The following AGAP1 variants were observed in gnomAD, a reference collection of about 807,000 sequenced individuals.
AGAP1 encodes the protein arf-GAP with GTPase, ANK repeat and PH domain-containing protein 1.
A neutral mutation model predicts 105.3 loss-of-function variants in AGAP1; 29 were observed. That is an observed-to-expected ratio of 0.28 (90% CI 0.21 to 0.38). The LOEUF (loss-of-function observed/expected upper bound fraction) is 0.38. AGAP1 is among the 10% of genes least tolerant of loss of function. The pLI is 1.00. For synonymous variants in AGAP1, 509 were observed against 485.9 expected, an observed-to-expected ratio of 1.05 and a Z score of -0.63; for missense variants, 998 against 1,165.1, an observed-to-expected ratio of 0.86 and a Z score of 2.09.
Position 236,000,466 on chromosome 2 carries a change from T to C in AGAP1, c.1645+31843T>C, listed in dbSNP as rs557577781. ...AACAGTTGTTCAGAGACAGTGGTAC[T>C]GCGTCCCCCTCCTCCAGTCCAGTCC... On this transcript the variant is annotated intron_variant, in intron 13 of 17. Coordinates refer to ENST00000304032, the MANE Select transcript of AGAP1 (RefSeq NM_001037131.3). The surrounding 1 kb of genome is among the most constrained non-coding windows in gnomAD (Gnocchi z 4.3). Among the ~76,000 whole-genome samples, 14 of 152,314 alleles carry C rather than the reference T, an allele frequency of 9.2e-5. No homozygotes were observed. In the East Asian group the frequency reaches 2.7e-3, roughly 30 times the overall value.
At chr2:235,805,688 A>T (rs1159566016) in intron 8 of AGAP1, among the ~76,000 whole-genome samples, 4 of 152,224 alleles carry the variant, frequency 2.6e-5, no homozygotes, top group Non-Finnish European at 5.9e-5. Flanking sequence ...ACTATACAGT[A>T]TTAAGAATTA....
At chr2:235,896,124 C>G (rs908403318) in intron 10 of AGAP1, among the ~76,000 whole-genome samples, 2 of 152,170 alleles carry the variant, frequency 1.3e-5, no homozygotes, top group Non-Finnish European at 2.9e-5. Flanking sequence ...CCACTCAGCC[C>G]CTGGCAACCA....
intron 5 of AGAP1, among the ~76,000 whole-genome samples, chr2:235,748,657 A>T (rs1036047307): frequency 6.6e-6 from 1 of 152,192 alleles, no homozygotes; most frequent in Non-Finnish European, 1.5e-5. Context: ...AGAAAATAAC[A>T]TGAGAAAAGA....
Position 236,036,481 on chromosome 2 carries a change from G to C in AGAP1, c.1646-80G>C. 2.6e-6 allele frequency: 4 copies of C among 1,554,920 alleles called. No individual in the cohort carries two copies. The highest frequency in any genetic ancestry group is 3.5e-6 in the Non-Finnish European group (4 of 1,149,568). ...CATGCAGGGGCAGCTGAACCCAGAGGCGCTTCTGTGACAGAGGGCCCGCAG... is the reference window on the plus strand; with the variant it reads ...CATGCAGGGGCAGCTGAACCCAGAGCCGCTTCTGTGACAGAGGGCCCGCAG... On this transcript the variant is annotated intron_variant, in intron 13 of 17. Coordinates refer to ENST00000304032, the MANE Select transcript of AGAP1 (RefSeq NM_001037131.3). This position sits in a 1 kb window ranked among gnomAD's most constrained non-coding sequence, Gnocchi z 5.7.
intron 1 of AGAP1, among the ~76,000 whole-genome samples, chr2:235,497,316 C>G (rs902291005): frequency 6.6e-6 from 1 of 152,186 alleles, no homozygotes; most frequent in Admixed American, 6.5e-5. Flanking sequence ...GCAACTAAGC[C>G]TGCGCTGGAA....
intron 9 of AGAP1, among the ~76,000 whole-genome samples, chr2:235,863,380 T>G (rs926193145): frequency 2.3e-4 from 35 of 152,258 alleles, no homozygotes; most frequent in Admixed American, 2.2e-3. Context: ...CAGTGTTTGA[T>G]CATTTTAGCA....
At chr2:236,106,578 T>C (rs865928279) in intron 16 of AGAP1, among the ~76,000 whole-genome samples, 1 of 152,208 alleles carries the variant, frequency 6.6e-6, no homozygotes. Context: ...CATGCTGGGA[T>C]TCCAGGAACC....
chr2:236,111,787 C>T (rs1265788943), intron 16 of AGAP1, among the ~76,000 whole-genome samples: 2 of 96,272 alleles, frequency 2.1e-5, no homozygotes, highest in Admixed American at 9.8e-5. Context: ...GCGACTCTAT[C>T]TCAAAAAAAA....
In AGAP1 at chr2:235,667,455, CA is replaced by C. The variant is rs150215396; in HGVS notation, c.164-41714del. Among the ~76,000 whole-genome samples the C allele has an allele frequency of 2.9e-3, 425 of 147,160 alleles. 4 individuals carry two copies. The highest frequency in any genetic ancestry group is 8.7e-3 in the African/African-American group (349 of 40,306). On this transcript the variant is annotated intron_variant, in intron 1 of 17. Coordinates refer to ENST00000304032, the MANE Select transcript of AGAP1 (RefSeq NM_001037131.3). Reference sequence around the variant, plus strand: ...AGCAGAATGCTGATGCTTACTAAGACAAAAAAAAAATGAGCACAGGCAGTGT... The same window carrying C: ...AGCAGAATGCTGATGCTTACTAAGACAAAAAAAAATGAGCACAGGCAGTGT...
In AGAP1 at chr2:236,002,909, C is replaced by T. The variant is rs981828017; in HGVS notation, c.1646-33652C>T. ...GAAGTTTGTGTGTGAACAGGAGGGC[C>T]GGGGTCGCTGGGTTCCAGGCGCAGC... On this transcript the variant is annotated intron_variant, in intron 13 of 17. Coordinates refer to ENST00000304032, the MANE Select transcript of AGAP1 (RefSeq NM_001037131.3). The surrounding 1 kb of genome is among the most constrained non-coding windows in gnomAD (Gnocchi z 4.3). Among the ~76,000 whole-genome samples the T allele has an allele frequency of 3.3e-5, 5 of 152,148 alleles. No homozygotes were observed. Among genetic ancestry groups the T allele is most frequent in the Non-Finnish European group, 5.9e-5 (4 of 68,000 alleles).
At position 235,749,640 on chromosome 2, in the gene AGAP1, C is replaced by G. The variant is rs143944872; in HGVS notation, c.539-714C>G. Among the ~76,000 whole-genome samples, 1,041 of 152,204 alleles carry G rather than the reference C, an allele frequency of 6.8e-3. 16 individuals carry two copies. Among genetic ancestry groups the G allele is most frequent in the African/African-American group, 0.024 (986 of 41,520 alleles). ...TGCCCTCTGCCTCAGGCGTTCTGCC[C>G]CAGGCAGTGCCTACTGCGCCCCACC... On this transcript the variant is annotated intron_variant, in intron 5 of 17. Coordinates refer to ENST00000304032, the MANE Select transcript of AGAP1 (RefSeq NM_001037131.3).
chr2:236,033,459 G>A (rs545822346), intron 13 of AGAP1, among the ~76,000 whole-genome samples: 28 of 152,346 alleles, frequency 1.8e-4, no homozygotes, highest in African/African-American at 6.7e-4. Context: ...TGCAAGTTTT[G>A]TCTTTGCATG....
In AGAP1 at chr2:235,791,503, G is replaced by A. The variant is rs10193737; in HGVS notation, c.674-6256G>A. On this transcript the variant is annotated intron_variant, in intron 6 of 17. Transcript: ENST00000304032. Reference sequence around the variant, plus strand: ...GATATGCCCTGTCCAAACTCCTGACGCACAGAATCGTGATAAACAATAAGA... The same window carrying A: ...GATATGCCCTGTCCAAACTCCTGACACACAGAATCGTGATAAACAATAAGA... 2.5e-3 allele frequency among the ~76,000 whole-genome samples: 379 copies of A among 152,070 alleles called. 1 individual carries two copies. The highest frequency in any genetic ancestry group is 8.8e-3 in the African/African-American group (365 of 41,480).
Position 235,577,993 on chromosome 2 carries a change from G to A in AGAP1, c.163+83144G>A, listed in dbSNP as rs1266499491. 6.6e-6 allele frequency among the ~76,000 whole-genome samples: 1 copy of A among 152,084 alleles called. No individual in the cohort carries two copies. Among genetic ancestry groups the A allele is most frequent in the African/African-American group, 2.4e-5 (1 of 41,392 alleles). On this transcript the variant is annotated intron_variant, in intron 1 of 17. Transcript: ENST00000304032. The surrounding 1 kb of genome is among the most constrained non-coding windows in gnomAD (Gnocchi z 4.5). ...TCTGGATCGCACCCGACACCATCCA[G>A]GTGCCTGCGTGTGCTGGTCCCGCCA... is the stretch of plus-strand genomic sequence containing the variant.
rs532333894 is a variant in AGAP1, at chr2:235,557,055, G to A, written c.163+62206G>A. ...AAGGCAGACTTGGCCTTCCCAGCTG[G>A]CGCGGGACTGGGGACTTAGGGGACT... On this transcript the variant is annotated intron_variant, in intron 1 of 17. Coordinates refer to ENST00000304032, the MANE Select transcript of AGAP1 (RefSeq NM_001037131.3). This position sits in a 1 kb window ranked among gnomAD's most constrained non-coding sequence, Gnocchi z 4.7. 6.6e-6 allele frequency among the ~76,000 whole-genome samples: 1 copy of A among 152,338 alleles called. No homozygotes were observed. Among genetic ancestry groups the A allele is most frequent in the Admixed American group, 6.5e-5 (1 of 15,312 alleles).
rs1437604938 is a variant in AGAP1, at chr2:235,989,238, G to A, written c.1645+20615G>A. Among the ~76,000 whole-genome samples the A allele has an allele frequency of 6.6e-6, 1 of 152,212 alleles. No individual in the cohort carries two copies. Among genetic ancestry groups the A allele is most frequent in the Admixed American group, 6.5e-5 (1 of 15,282 alleles). On this transcript the variant is annotated intron_variant, in intron 13 of 17. Coordinates refer to ENST00000304032, the MANE Select transcript of AGAP1 (RefSeq NM_001037131.3). This position sits in a 1 kb window ranked among gnomAD's most constrained non-coding sequence, Gnocchi z 4.4. ...ATATTTTTCGTTCAAGCTGCTGACA[G>A]GTATTTATTGACCAGGTACTGTGTA... is the stretch of plus-strand genomic sequence containing the variant.
chr2:235,822,903 G>T (rs963382369), intron 9 of AGAP1, among the ~76,000 whole-genome samples: 1 of 152,206 alleles, frequency 6.6e-6, no homozygotes, highest in African/African-American at 2.4e-5. Context: ...AGGATGGATG[G>T]CTATTGATTT....
chr2:235,870,930 A>C (rs571896662), intron 9 of AGAP1, among the ~76,000 whole-genome samples: 15 of 152,352 alleles, frequency 9.8e-5, no homozygotes, highest in Non-Finnish European at 2.1e-4. Flanking sequence ...AAGATGGTAT[A>C]ATTCCTTTAA....
At chr2:235,944,883 TG>T (rs2053419597) in intron 12 of AGAP1, among the ~76,000 whole-genome samples, 2 of 152,288 alleles carry the variant, frequency 1.3e-5, no homozygotes, top group African/African-American at 4.8e-5. Flanking sequence ...CACCACCTTC[TG>T]AAGCAGTCAA....
Sources: allele counts gnomAD v4.1 joint callset (sites outside exome capture counted in the v4.1 genomes callset), GRCh38; gene constraint gnomAD v4.1.1; non-coding constraint Gnocchi (gnomAD v3.1); transcripts MANE v1.5; gene names NCBI Gene and HGNC (gene_info 2026-07-23, HGNC 2026-07-21).